Variants in AIG1 observed in about 807,000 individuals in gnomAD.
AIG1 encodes androgen induced 1.
AIG1 carries 23 observed loss-of-function variants against 31.4 expected under a neutral mutation model. The observed-to-expected ratio is 0.73, with a 90% CI of 0.53 to 1.04. AIG1 has a LOEUF of 1.04. Among genes scored for constraint, AIG1 ranks in the 50% least tolerant of loss-of-function variants. AIG1 has a pLI of 0.00. For synonymous variants in AIG1, 100 were observed against 110.5 expected (o/e 0.90, Z 0.60); for missense variants, 274 against 295.0 (o/e 0.93, Z 0.52).
intron 3 of AIG1, among the ~76,000 whole-genome samples, chr6:143,266,673 G>A (rs1796179704): frequency 6.6e-6 from 1 of 152,174 alleles, no homozygotes. Flanking sequence ...GCTGGGCATG[G>A]TGGCTAACAC....
In AIG1 at chr6:143,337,701, C is replaced by T. The variant is rs192832660; in HGVS notation, c.680-1938C>T. On this transcript the variant is annotated intron_variant, in intron 5 of 5. Transcript: ENST00000357847. ...TCTATGTGTGCAGAAACCTGCACCT[C>T]TTCTCCTCCAGCTACCCGTGCAGGT... 4.5e-3 allele frequency among the ~76,000 whole-genome samples: 683 copies of T among 152,254 alleles called. 5 individuals are homozygous for T. Among genetic ancestry groups the T allele is most frequent in the African/African-American group, 0.016 (647 of 41,558 alleles).
In AIG1 at chr6:143,340,187, A is replaced by G. The variant is rs1234890766; in HGVS notation, c.*511A>G. 2 of 152,306 alleles carry G rather than the reference A, an allele frequency of 1.3e-5. No individual in the cohort carries two copies. The highest frequency in any genetic ancestry group is 1.9e-4 in the East Asian group (1 of 5,192). The allele number at this position is 152,306 out of a possible 1,614,324, so 9.4% of individuals were successfully genotyped here. Reference sequence around the variant, plus strand: ...GTCACAGTTGCCTCAAATGAGCACCATTTGTAATAATGATGTCAATTTCAT... The same window carrying G: ...GTCACAGTTGCCTCAAATGAGCACCGTTTGTAATAATGATGTCAATTTCAT... On this transcript the variant is annotated 3_prime_UTR_variant, in exon 6 of 6. Transcript: ENST00000357847.
At chr6:143,214,038 A>G (rs1483264332) in intron 3 of AIG1, among the ~76,000 whole-genome samples, 1 of 152,332 alleles carries the variant, frequency 6.6e-6, no homozygotes, top group East Asian at 1.9e-4. Context: ...ACTGAACAAA[A>G]GTATAATAAA....
At chr6:143,128,440 T>A (rs1315643320) in intron 1 of AIG1, among the ~76,000 whole-genome samples, 5 of 152,198 alleles carry the variant, frequency 3.3e-5, no homozygotes, top group Non-Finnish European at 7.3e-5. Context: ...CTATTTATAT[T>A]TCTTGGAGAG....
chr6:143,158,171 C>T (rs1218150853), intron 2 of AIG1, among the ~76,000 whole-genome samples: 1 of 152,144 alleles, frequency 6.6e-6, no homozygotes, highest in Non-Finnish European at 1.5e-5. Context: ...GCCATATATT[C>T]AGGCACCACT....
intron 1 of AIG1, among the ~76,000 whole-genome samples, chr6:143,105,216 T>G (rs913755669): frequency 6.6e-6 from 1 of 151,982 alleles, no homozygotes; most frequent in African/African-American, 2.4e-5. Flanking sequence ...GCCAGATAAA[T>G]CAAAGACTGA....
chr6:143,245,291 A>G (rs1201457095), intron 3 of AIG1, among the ~76,000 whole-genome samples: 1 of 152,214 alleles, frequency 6.6e-6, no homozygotes, highest in Non-Finnish European at 1.5e-5. Flanking sequence ...GGAAAGTCCT[A>G]CCACTATCCA....
At chr6:143,150,582 G>A (rs191210308) in intron 2 of AIG1, among the ~76,000 whole-genome samples, 1 of 152,296 alleles carries the variant, frequency 6.6e-6, no homozygotes, top group Admixed American at 6.5e-5. Context: ...TGTGGCTGTG[G>A]CAGCTGGTTC....
intron 4 of AIG1, among the ~76,000 whole-genome samples, chr6:143,313,101 TG>T (rs1775441722): frequency 6.6e-6 from 1 of 152,146 alleles, no homozygotes. Flanking sequence ...TGTCCACTGT[TG>T]GTCGGAATGT....
chr6:143,308,749 C>G (rs1438802894), intron 4 of AIG1, among the ~76,000 whole-genome samples: 1 of 152,134 alleles, frequency 6.6e-6, no homozygotes, highest in Non-Finnish European at 1.5e-5. Context: ...TTTAATTTAC[C>G]TTTCTCCTTC....
intron 2 of AIG1, among the ~76,000 whole-genome samples, chr6:143,155,176 A>G (rs1290653983): frequency 6.6e-6 from 1 of 152,140 alleles, no homozygotes; most frequent in East Asian, 1.9e-4. Flanking sequence ...ATAAGGCACG[A>G]AAAGAGATGT....
intron 4 of AIG1, among the ~76,000 whole-genome samples, chr6:143,309,035 G>A (rs1775044599): frequency 6.6e-6 from 1 of 151,890 alleles, no homozygotes; most frequent in African/African-American, 2.4e-5. Context: ...GGGAGAGTGG[G>A]GGGCTTCCTT....
rs1283055991 is a variant in AIG1, at chr6:143,171,502, AT to A, written c.399+6322del. On this transcript the variant is annotated intron_variant, in intron 3 of 5. Coordinates refer to ENST00000357847, the MANE Select transcript of AIG1 (RefSeq NM_016108.4). The stretch of plus-strand genomic sequence containing the variant: ...AATATATATTAAATATATAATATAT[AT>A]TTAATATATATAATATATATATTTA... Among the ~76,000 whole-genome samples the A allele has an allele frequency of 3.3e-5, 4 of 122,500 alleles. No individual in the cohort carries two copies. In the East Asian group the frequency reaches 9.5e-4, roughly 29 times the overall value. The allele number at this position is 122,500 out of a possible 152,430, so 80.4% of individuals were successfully genotyped here.
rs1222808702 is a variant in AIG1 at position 143,284,705 on chromosome 6, T to G, written c.515+480T>G. Among the ~76,000 whole-genome samples, 1 of 152,178 alleles carries G rather than the reference T, an allele frequency of 6.6e-6. No homozygotes were observed. On this transcript the variant is annotated intron_variant, in intron 4 of 5. Transcript: ENST00000357847. This position sits in a 1 kb window ranked among gnomAD's most constrained non-coding sequence, Gnocchi z 4.4. ...ACCTACTCCAGAATTAACTGTTACA[T>G]GGAGAATGCATTAAACTGTTCTGTT...
chr6:143,257,493 G>A (rs1288204928), intron 3 of AIG1, among the ~76,000 whole-genome samples: 2 of 152,298 alleles, frequency 1.3e-5, no homozygotes, highest in East Asian at 3.9e-4. Context: ...GTGAATTTTT[G>A]TATGTGTATA....
At chr6:143,103,918 A>T (rs545868944) in intron 1 of AIG1, among the ~76,000 whole-genome samples, 2 of 152,202 alleles carry the variant, frequency 1.3e-5, no homozygotes, top group Non-Finnish European at 2.9e-5. Flanking sequence ...AAGTGAATGA[A>T]AAGTACTCTA....
At chr6:143,228,736 G>T (rs1465459880) in intron 3 of AIG1, among the ~76,000 whole-genome samples, 1 of 152,242 alleles carries the variant, frequency 6.6e-6, no homozygotes, top group Non-Finnish European at 1.5e-5. Flanking sequence ...TTGGCCCCAA[G>T]ATGGGTGTGG....
intron 4 of AIG1, among the ~76,000 whole-genome samples, chr6:143,319,765 A>C (rs1198957123): frequency 2.0e-5 from 3 of 152,156 alleles, no homozygotes; most frequent in Non-Finnish European, 4.4e-5. Context: ...ATCAGACATC[A>C]AAGAGGAAAC....
At chr6:143,178,019 C>T (rs6923722) in intron 3 of AIG1, among the ~76,000 whole-genome samples, 5 of 152,162 alleles carry the variant, frequency 3.3e-5, no homozygotes, top group South Asian at 2.1e-4. Context: ...ATGGGAGGGG[C>T]GTCTGCTCTG....
Sources: gnomAD v4.1 joint callset for allele counts (sites outside exome capture counted in the v4.1 genomes callset) on GRCh38, gnomAD v4.1.1 for gene constraint, Gnocchi (gnomAD v3.1) non-coding constraint, MANE v1.5 for transcripts, NCBI Gene and HGNC (gene_info 2026-07-23, HGNC 2026-07-21) for gene names.